The following TENM2 variants were observed in gnomAD, a reference collection of about 807,000 sequenced individuals.
The protein encoded by TENM2 is teneurin transmembrane protein 2.
Under a neutral mutation model 245.2 loss-of-function variants are expected in TENM2, and 52 were observed. The observed-to-expected ratio is 0.21, with a 90% confidence interval of 0.17 to 0.27. The LOEUF (loss-of-function observed/expected upper bound fraction) is 0.27. Among genes scored for constraint, TENM2 ranks in the 10% least tolerant of loss-of-function variants. The pLI is 1.00. For missense variants in TENM2, 3,046 were observed against 3,666.8 expected, an observed-to-expected ratio of 0.83 and a Z score of 4.37; for synonymous variants, 1,363 against 1,438.9, an observed-to-expected ratio of 0.95 and a Z score of 1.19.
At chr5:167,573,524 C>G (rs913015047) in intron 2 of TENM2, among the ~76,000 whole-genome samples, 3 of 79,086 alleles carry the variant, frequency 3.8e-5, no homozygotes, top group Non-Finnish European at 5.6e-5. Flanking sequence ...CTCTCTCCCC[C>G]TCTCCCCCTC....
chr5:168,252,607 GC>G (rs1767216298), intron 27 of TENM2, among the ~76,000 whole-genome samples: 2 of 151,920 alleles, frequency 1.3e-5, no homozygotes, highest in African/African-American at 4.8e-5. Flanking sequence ...ACTTTGGGAG[GC>G]CGAGGCGGGT....
At chr5:167,207,171 A>G in the TENM2 span, among the ~76,000 whole-genome samples, 5 of 152,220 alleles carry the variant, frequency 3.3e-5, no homozygotes, top group Non-Finnish European at 5.9e-5. Flanking sequence ...TTCAGTCTGC[A>G]TTCCATCATC....
chr5:167,396,155 A>G (rs934978425), intron 2 of TENM2, among the ~76,000 whole-genome samples: 1 of 152,096 alleles, frequency 6.6e-6, no homozygotes, highest in Non-Finnish European at 1.5e-5. Context: ...GGATAGATGC[A>G]CCCCCAAAGT....
At chr5:167,435,645 A>G (rs890751598) in intron 2 of TENM2, among the ~76,000 whole-genome samples, 1 of 152,208 alleles carries the variant, frequency 6.6e-6, no homozygotes, top group Admixed American at 6.5e-5. Context: ...TATGGAAGCA[A>G]CTTTGGAACT....
chr5:166,991,335 A>C, the TENM2 span, among the ~76,000 whole-genome samples: 1 of 151,942 alleles, frequency 6.6e-6, no homozygotes, highest in Non-Finnish European at 1.5e-5. Context: ...ATACCAGTAC[A>C]TCAAATTGAT....
intron 3 of TENM2, among the ~76,000 whole-genome samples, chr5:167,886,026 C>A (rs1316204591): frequency 2.0e-5 from 3 of 152,218 alleles, no homozygotes; most frequent in African/African-American, 7.2e-5. Flanking sequence ...CCTTCTGGCT[C>A]CCCTTGTGTG....
the TENM2 span, among the ~76,000 whole-genome samples, chr5:167,197,906 C>T: frequency 6.8e-3 from 1,014 of 148,162 alleles, 12 homozygotes; most frequent in African/African-American, 0.023. Flanking sequence ...TATATATACA[C>T]ATATAGAGAG....
intron 2 of TENM2, among the ~76,000 whole-genome samples, chr5:167,570,249 C>T (rs1234836341): frequency 6.6e-6 from 1 of 152,032 alleles, no homozygotes; most frequent in African/African-American, 2.4e-5. Context: ...GCACTTGATT[C>T]TCTAAGGAAT....
intron 2 of TENM2, among the ~76,000 whole-genome samples, chr5:167,474,415 T>A (rs1167222053): frequency 6.6e-6 from 1 of 152,188 alleles, no homozygotes; most frequent in African/African-American, 2.4e-5. Context: ...TTTATTCCAA[T>A]CCACAAGAAC....
At chr5:168,008,862 G>T (rs537465202) in intron 5 of TENM2, among the ~76,000 whole-genome samples, 1 of 152,246 alleles carries the variant, frequency 6.6e-6, no homozygotes, top group South Asian at 2.1e-4. Flanking sequence ...TTCTACCAAG[G>T]CTGGCCAGAA....
At chr5:168,205,437 T>C in intron 19 of TENM2, among the ~76,000 whole-genome samples, 1 of 152,166 alleles carries the variant, frequency 6.6e-6, no homozygotes, top group South Asian at 2.1e-4. Flanking sequence ...CCTGTATCCT[T>C]AATTGCTTTA....
chr5:167,280,594 G>C (rs1770985718), upstream of TENM2, among the ~76,000 whole-genome samples: 1 of 152,090 alleles, frequency 6.6e-6, no homozygotes, highest in Non-Finnish European at 1.5e-5. Context: ...GGCTGGAGTA[G>C]GGTAGTCATT....
At chr5:168,037,591 AC>A (rs1229831733) in intron 5 of TENM2, among the ~76,000 whole-genome samples, 1 of 136,606 alleles carries the variant, frequency 7.3e-6, no homozygotes, top group Non-Finnish European at 1.5e-5. Flanking sequence ...TTCATGCCCT[AC>A]CTTGCAAAGA....
intron 2 of TENM2, among the ~76,000 whole-genome samples, chr5:167,560,443 T>C (rs1435568138): frequency 4.6e-5 from 7 of 152,282 alleles, no homozygotes; most frequent in Non-Finnish European, 5.9e-5. Context: ...CTGAATTTAA[T>C]GCAGATATTC....
intron 5 of TENM2, among the ~76,000 whole-genome samples, chr5:168,024,234 C>T (rs895957589): frequency 2.6e-4 from 39 of 152,226 alleles, no homozygotes; most frequent in African/African-American, 7.5e-4. Context: ...TATCCATTAG[C>T]CTTCCGATTG....
At chr5:167,934,910 G>T in intron 3 of TENM2, 1 of 985,568 alleles carries the variant, frequency 1.0e-6, no homozygotes, top group Non-Finnish European at 1.2e-6. Flanking sequence ...CACTGCCCTT[G>T]AGTCGTCCAG....
intron 1 of TENM2, among the ~76,000 whole-genome samples, chr5:167,374,304 G>A (rs1201737713): frequency 3.9e-5 from 6 of 152,206 alleles, no homozygotes; most frequent in Admixed American, 2.0e-4. Context: ...TGTAGTGTAA[G>A]AGCAGTAGGC....
At chr5:167,157,514 A>G in the TENM2 span, among the ~76,000 whole-genome samples, 3 of 152,246 alleles carry the variant, frequency 2.0e-5, no homozygotes, top group African/African-American at 7.2e-5. Flanking sequence ...GAAATTTTCC[A>G]CAGGTGAAGG....
chr5:167,676,020 C>T (rs1371310755), intron 2 of TENM2, among the ~76,000 whole-genome samples: 2 of 152,020 alleles, frequency 1.3e-5, no homozygotes, highest in East Asian at 1.9e-4. Flanking sequence ...TGACCTAGAA[C>T]AGACAACATG....
Sources: gnomAD v4.1 joint callset for allele counts (sites outside exome capture counted in the v4.1 genomes callset) on GRCh38, gnomAD v4.1.1 for gene constraint, MANE v1.5 for transcripts, NCBI Gene and HGNC (gene_info 2026-07-23, HGNC 2026-07-21) for gene names.